Variants in PDE1C observed in about 807,000 individuals in gnomAD.
The protein encoded by PDE1C is phosphodiesterase 1C.
In PDE1C, 62 loss-of-function variants were observed where a neutral mutation model predicts 93.1. The observed-to-expected ratio is 0.67, with a 90% CI of 0.54 to 0.82. PDE1C has a LOEUF of 0.82. Among genes scored for constraint, PDE1C ranks in the 40% least tolerant of loss-of-function variants. The pLI, the probability that PDE1C is intolerant of heterozygous loss-of-function variation, is 0.00. For missense variants in PDE1C, 742 were observed against 884.6 expected, an observed-to-expected ratio of 0.84 and a Z score of 2.04; for synonymous variants, 325 against 310.1, an observed-to-expected ratio of 1.05 and a Z score of -0.50.
At chr7:31,984,227 G>A (rs1180574302) in intron 2 of PDE1C, among the ~76,000 whole-genome samples, 1 of 152,120 alleles carries the variant, frequency 6.6e-6, no homozygotes, top group East Asian at 1.9e-4. Context: ...GCTCCTGTCA[G>A]ATCAACTGAG....
At chr7:31,632,974 A>C in the PDE1C span, among the ~76,000 whole-genome samples, 1 of 150,874 alleles carries the variant, frequency 6.6e-6, no homozygotes, top group Non-Finnish European at 1.5e-5. Context: ...GCAACCTCCG[A>C]CTCCCTGGTT....
intron 3 of PDE1C, among the ~76,000 whole-genome samples, chr7:32,155,912 C>A (rs1036182538): frequency 6.6e-6 from 1 of 152,120 alleles, no homozygotes; most frequent in Non-Finnish European, 1.5e-5. Context: ...TCTGGCACAG[C>A]CATGGGTCAT....
At chr7:31,829,128 G>A (rs1226225319) in intron 11 of PDE1C, among the ~76,000 whole-genome samples, 1 of 152,120 alleles carries the variant, frequency 6.6e-6, no homozygotes, top group Non-Finnish European at 1.5e-5. Context: ...TCTTATAGTA[G>A]TGAAGCTGTG....
At chr7:32,038,781 C>T (rs1791445035) in intron 2 of PDE1C, among the ~76,000 whole-genome samples, 1 of 152,130 alleles carries the variant, frequency 6.6e-6, no homozygotes, top group Non-Finnish European at 1.5e-5. Context: ...AGACAAAAAG[C>T]ACCCTTTAAA....
chr7:32,090,086 T>C (rs970796643), intron 3 of PDE1C, among the ~76,000 whole-genome samples: 3 of 152,162 alleles, frequency 2.0e-5, no homozygotes, highest in Non-Finnish European at 4.4e-5. Flanking sequence ...ATACAATGCA[T>C]GGAAATGAAG....
chr7:32,330,854 A>T (rs1452270613), intron 1 of PDE1C, among the ~76,000 whole-genome samples: 1 of 152,190 alleles, frequency 6.6e-6, no homozygotes, highest in Non-Finnish European at 1.5e-5. Flanking sequence ...AGGGAATCGC[A>T]TCTGCTAAGT....
At chr7:32,205,135 A>G (rs1409005361) in intron 2 of PDE1C, among the ~76,000 whole-genome samples, 2 of 151,998 alleles carry the variant, frequency 1.3e-5, no homozygotes, top group Admixed American at 1.3e-4. Flanking sequence ...GCCAATATCC[A>G]CCTCTGCTGC....
At chr7:31,881,226 C>T (rs559100754) in intron 2 of PDE1C, among the ~76,000 whole-genome samples, 92 of 152,298 alleles carry the variant, frequency 6.0e-4, no homozygotes, top group African/African-American at 2.2e-3. Flanking sequence ...TGAGATTCTG[C>T]TCTGTTGAAG....
intron 3 of PDE1C, among the ~76,000 whole-genome samples, chr7:32,111,671 T>C (rs1423508132): frequency 6.6e-6 from 1 of 152,134 alleles, no homozygotes; most frequent in African/African-American, 2.4e-5. Context: ...TAGAACTAAG[T>C]TCAGAGCTAA....
intron 1 of PDE1C, among the ~76,000 whole-genome samples, chr7:32,210,773 C>A (rs1805964407): frequency 6.6e-6 from 1 of 152,112 alleles, no homozygotes; most frequent in Non-Finnish European, 1.5e-5. Flanking sequence ...ATCTTAGTAT[C>A]TTTTGTTTTT....
intron 2 of PDE1C, among the ~76,000 whole-genome samples, chr7:32,182,666 G>A (rs1184412336): frequency 4.6e-5 from 7 of 152,052 alleles, no homozygotes; most frequent in East Asian, 1.9e-4. Flanking sequence ...AATAAGAGCT[G>A]TCTATGATAA....
chr7:31,879,787 AC>A (rs1293068408), intron 3 of PDE1C, among the ~76,000 whole-genome samples: 5 of 152,238 alleles, frequency 3.3e-5, no homozygotes, highest in Admixed American at 2.0e-4. Flanking sequence ...CATAGGTCAG[AC>A]CACTAGAATC....
At chr7:31,826,190 G>A (rs1051702488) in intron 12 of PDE1C, among the ~76,000 whole-genome samples, 3 of 152,146 alleles carry the variant, frequency 2.0e-5, no homozygotes, top group Admixed American at 6.5e-5. Context: ...ATTCTCCTTC[G>A]AAGGGCATGT....
intron 17 of PDE1C, among the ~76,000 whole-genome samples, chr7:31,755,121 A>G (rs1204841166): frequency 6.6e-6 from 1 of 152,188 alleles, no homozygotes. Flanking sequence ...GCTATTGGTT[A>G]TCAACTCTAA....
chr7:32,374,569 A>G (rs1234337787), intron 1 of PDE1C, among the ~76,000 whole-genome samples: 2 of 152,212 alleles, frequency 1.3e-5, no homozygotes, highest in African/African-American at 4.8e-5. Context: ...AAGAGCCACC[A>G]CATGATTTTA....
intron 3 of PDE1C, among the ~76,000 whole-genome samples, chr7:32,097,783 C>T (rs1286893276): frequency 6.6e-6 from 1 of 152,124 alleles, no homozygotes; most frequent in Non-Finnish European, 1.5e-5. Flanking sequence ...AACAGAAAAG[C>T]GTAGTTGCTA....
intron 3 of PDE1C, among the ~76,000 whole-genome samples, chr7:32,088,072 T>C (rs2128742919): frequency 6.6e-6 from 1 of 151,540 alleles, no homozygotes; most frequent in Non-Finnish European, 1.5e-5. Flanking sequence ...GCAGGAAAAC[T>C]TACATCATTC....
At chr7:31,748,144 G>T (rs1026315605), downstream of PDE1C, among the ~76,000 whole-genome samples, 1 of 152,080 alleles carries the variant, frequency 6.6e-6, no homozygotes, top group Non-Finnish European at 1.5e-5. Context: ...ACCAAGGGCA[G>T]CTTGGAGATC....
chr7:32,135,594 T>C (rs768825726), intron 3 of PDE1C, among the ~76,000 whole-genome samples: 1 of 152,186 alleles, frequency 6.6e-6, no homozygotes, highest in Non-Finnish European at 1.5e-5. Flanking sequence ...AAGTGGCTAT[T>C]ATCAAGAAGA....
Sources: gnomAD v4.1 joint callset for allele counts (sites outside exome capture counted in the v4.1 genomes callset) on GRCh38, gnomAD v4.1.1 for gene constraint, MANE v1.5 for transcripts, NCBI Gene and HGNC (gene_info 2026-07-23, HGNC 2026-07-21) for gene names.